The following ARSG variants were observed in gnomAD, a reference collection of about 807,000 sequenced individuals.
ARSG encodes ASG.
In ARSG, 37 loss-of-function variants were observed where a neutral mutation model predicts 50.5. The ratio of observed to expected loss-of-function variants is 0.73; its 90% CI spans 0.56 to 0.96. The LOEUF (loss-of-function observed/expected upper bound fraction) is 0.96, where lower values mean the gene tolerates loss of function less well. Ranked by LOEUF, ARSG falls within the 50% of genes least tolerant of loss-of-function variation. ARSG has a pLI of 0.00. For synonymous variants in ARSG, 225 were observed against 254.6 expected, an observed-to-expected ratio of 0.88 and a Z score of 1.11; for missense variants, 629 against 675.3, an observed-to-expected ratio of 0.93 and a Z score of 0.76.
chr17:68,277,171 G>A (rs781797089), intron 1 of ARSG, among the ~76,000 whole-genome samples: 6 of 151,930 alleles, frequency 3.9e-5, no homozygotes, highest in Non-Finnish European at 5.9e-5. Context: ...TCACACTGTC[G>A]CCCAGGCTGG....
At chr17:68,259,421 A>G (rs2075039425) in exon 1 of ARSG, 1 of 152,232 alleles carries the variant, frequency 6.6e-6, no homozygotes, top group Non-Finnish European at 1.5e-5. Flanking sequence ...CGACGGCAGC[A>G]GAGCAGTGAG....
intron 1 of ARSG, among the ~76,000 whole-genome samples, chr17:68,297,004 CA>C (rs2076232266): frequency 6.6e-6 from 1 of 152,192 alleles, no homozygotes; most frequent in South Asian, 2.1e-4. Flanking sequence ...ACTCATCCAG[CA>C]AATATTGACT....
intron 6 of ARSG, among the ~76,000 whole-genome samples, chr17:68,357,859 G>A (rs578194427): frequency 1.9e-3 from 282 of 152,260 alleles, no homozygotes; most frequent in South Asian, 2.1e-3. Context: ...ACAGAGATAG[G>A]ATACCTGGCT....
At chr17:68,421,925 TG>T, downstream of ARSG, 1 of 1,455,300 alleles carries the variant, frequency 6.9e-7, no homozygotes, top group Middle Eastern at 1.7e-4. Context: ...AGGGAGAGGC[TG>T]GGCACTGTGG....
chr17:68,347,609 A>G (rs1373940602), intron 4 of ARSG, among the ~76,000 whole-genome samples: 1 of 151,982 alleles, frequency 6.6e-6, no homozygotes, highest in East Asian at 1.9e-4. Context: ...TTGCTTCCTC[A>G]CCCTCTGGCC....
chr17:68,307,492 C>G lies in ARSG; in HGVS notation c.-2C>G. ...GACAATCGGAATCCTGCCTTCACCACCATGGGCTGGCTTTTTCTAAAGGTT... is the reference window on the plus strand; with the variant it reads ...GACAATCGGAATCCTGCCTTCACCAGCATGGGCTGGCTTTTTCTAAAGGTT... On this transcript the variant is annotated 5_prime_UTR_variant, in exon 2 of 12. Transcript: ENST00000621439. 6.2e-7 allele frequency: 1 copy of G among 1,612,770 alleles called. No individual in the cohort carries two copies. Among genetic ancestry groups the G allele is most frequent in the East Asian group, 2.2e-5 (1 of 44,868 alleles).
chr17:68,354,076 A>G (rs975191922), intron 5 of ARSG, among the ~76,000 whole-genome samples: 2 of 64,368 alleles, frequency 3.1e-5, no homozygotes, highest in Admixed American at 2.9e-4. Flanking sequence ...TTTTATTTTT[A>G]TTTTTTAATT....
At chr17:68,404,175 G>T (rs913631620) in intron 11 of ARSG, among the ~76,000 whole-genome samples, 1 of 152,196 alleles carries the variant, frequency 6.6e-6, no homozygotes, top group Non-Finnish European at 1.5e-5. Flanking sequence ...ACATACGTGT[G>T]CATGTGTCTT....
the ARSG span, among the ~76,000 whole-genome samples, chr17:68,431,470 C>T: frequency 1.3e-5 from 2 of 151,984 alleles, no homozygotes; most frequent in African/African-American, 4.8e-5. Context: ...GGCTCTGCAG[C>T]AGGTCTGACT....
chr17:68,432,242 G>A, the ARSG span, among the ~76,000 whole-genome samples: 1 of 152,128 alleles, frequency 6.6e-6, no homozygotes, highest in Non-Finnish European at 1.5e-5. Flanking sequence ...TTCTAGAGAT[G>A]AGGGGACGTC....
intron 2 of ARSG, among the ~76,000 whole-genome samples, chr17:68,312,699 GC>G (rs1555767195): frequency 6.6e-6 from 1 of 152,082 alleles, no homozygotes; most frequent in Non-Finnish European, 1.5e-5. Flanking sequence ...GAGGTCGACG[GC>G]TTTTCATTCT....
chr17:68,382,728 T>C (rs1016188905), intron 8 of ARSG, among the ~76,000 whole-genome samples: 2 of 152,354 alleles, frequency 1.3e-5, no homozygotes, highest in East Asian at 1.9e-4. Context: ...CAAGACAGTA[T>C]CTGCGCTGTT....
chr17:68,396,721 G>C (rs1270035049), intron 10 of ARSG, among the ~76,000 whole-genome samples: 1 of 152,188 alleles, frequency 6.6e-6, no homozygotes, highest in Non-Finnish European at 1.5e-5. Flanking sequence ...CAGAACATGG[G>C]TCTTCTATGG....
chr17:68,412,737 C>A (rs2082083406), intron 11 of ARSG, among the ~76,000 whole-genome samples: 1 of 152,168 alleles, frequency 6.6e-6, no homozygotes, highest in African/African-American at 2.4e-5. Context: ...GTTCCATTCT[C>A]CCCGTCACTT....
chr17:68,436,562 A>G, the ARSG span: 32 of 1,273,480 alleles, frequency 2.5e-5, no homozygotes, highest in East Asian at 6.6e-4. Flanking sequence ...AAAACAGTAC[A>G]GCTACAGTGC....
the ARSG span, among the ~76,000 whole-genome samples, chr17:68,445,670 G>A: frequency 3.3e-5 from 5 of 152,220 alleles, no homozygotes; most frequent in East Asian, 9.6e-4. Context: ...TCAGCTAAGT[G>A]AAAACAGGCC....
chr17:68,352,088 GGAGAGAGAGA>G (rs34934330), intron 5 of ARSG, among the ~76,000 whole-genome samples: 4 of 104,072 alleles, frequency 3.8e-5, no homozygotes, highest in Non-Finnish European at 7.6e-5. Flanking sequence ...GAGAGACAGA[GGAGAGAGAGA>G]GAGAGAGAGA....
the ARSG span, among the ~76,000 whole-genome samples, chr17:68,437,550 T>G: frequency 6.6e-6 from 1 of 151,162 alleles, no homozygotes; most frequent in African/African-American, 2.4e-5. Flanking sequence ...AGGTTCTGTC[T>G]TAAGAAAAAA....
chr17:68,332,875 G>A (rs2077837685), intron 2 of ARSG, among the ~76,000 whole-genome samples: 1 of 152,218 alleles, frequency 6.6e-6, no homozygotes, highest in Non-Finnish European at 1.5e-5. Flanking sequence ...GACAACACCA[G>A]TAAGCTTGGG....
Sources: allele counts gnomAD v4.1 joint callset (sites outside exome capture counted in the v4.1 genomes callset), GRCh38; gene constraint gnomAD v4.1.1; transcripts MANE v1.5; gene names NCBI Gene and HGNC (gene_info 2026-07-23, HGNC 2026-07-21).